FREM3: variants seen among roughly 807,000 people sequenced by gnomAD.
FREM3 encodes FRAS1 related extracellular matrix 3, also known as FRAS1-related extracellular matrix protein 3.
FREM3 carries 105 observed loss-of-function variants against 129.1 expected under a neutral mutation model. The ratio of observed to expected loss-of-function variants is 0.81; its 90% CI spans 0.69 to 0.96. The LOEUF (loss-of-function observed/expected upper bound fraction) is 0.96, where lower values mean the gene tolerates loss of function less well. FREM3 is among the 40% of genes least tolerant of loss of function. The pLI, the probability that FREM3 is intolerant of heterozygous loss-of-function variation, is 0.00. For synonymous variants in FREM3, 1,014 were observed against 1,044.9 expected (o/e 0.97, Z 0.57); for missense variants, 2,593 against 2,666.3 (o/e 0.97, Z 0.61).
intron 5 of FREM3, among the ~76,000 whole-genome samples, chr4:143,618,856 A>G (rs1244750564): frequency 2.0e-5 from 3 of 152,274 alleles, no homozygotes; most frequent in Admixed American, 2.0e-4. Flanking sequence ...TGATGGAGTC[A>G]CTGCACTCCA....
chr4:143,623,755 A>G (rs1022507953), intron 4 of FREM3, among the ~76,000 whole-genome samples: 7 of 152,252 alleles, frequency 4.6e-5, no homozygotes, highest in African/African-American at 1.7e-4. Context: ...CTAAGTCCCC[A>G]TTTGATCTGA....
At chr4:143,608,501 A>G (rs912816720) in intron 6 of FREM3, among the ~76,000 whole-genome samples, 3 of 152,156 alleles carry the variant, frequency 2.0e-5, no homozygotes, top group African/African-American at 7.2e-5. Flanking sequence ...GTTTGAGCCT[A>G]TTCTAATTGT....
chr4:143,628,982 C>T (rs1270797392), intron 2 of FREM3, among the ~76,000 whole-genome samples: 1 of 152,038 alleles, frequency 6.6e-6, no homozygotes, highest in Non-Finnish European at 1.5e-5. Context: ...TCCAGTAGGG[C>T]CAGTTAAGGA....
intron 2 of FREM3, among the ~76,000 whole-genome samples, chr4:143,681,107 A>C (rs2149859223): frequency 6.6e-6 from 1 of 152,266 alleles, no homozygotes; most frequent in East Asian, 1.9e-4. Flanking sequence ...TCTATAGTAC[A>C]TCACAAAATT....
At chr4:143,686,094 A>C (rs1740359057) in intron 2 of FREM3, among the ~76,000 whole-genome samples, 1 of 152,154 alleles carries the variant, frequency 6.6e-6, no homozygotes, top group Admixed American at 6.5e-5. Context: ...CTAGCACATA[A>C]AGACTCACAT....
Position 143,699,853 on chromosome 4 carries a change from C to T in FREM3, c.823G>A (p.Glu275Lys), listed in dbSNP as rs143380055. 51 of 1,536,648 alleles carry T rather than the reference C, an allele frequency of 3.3e-5. No homozygotes were observed. In the Admixed American group the frequency reaches 8.8e-4, roughly 27 times the overall value. ...CCCGCGGACCCAGCGTCTTGGCCCT[C>T]AGGCCCCAGCAGCTCCACCATCATG... ...VPMMVELLGP[E>K]GQDAGSAGVL... Residue 275 changes from glutamate to lysine, a missense_variant, in exon 1 of 8, where the codon GAG (glutamate) becomes AAG (lysine). By Grantham distance (56) the Glu-to-Lys change is moderately conservative. Coordinates refer to ENST00000329798, the MANE Select transcript of FREM3 (RefSeq NM_001168235.2). The surrounding 1 kb of genome is among the most constrained non-coding windows in gnomAD (Gnocchi z 4.2).
intron 3 of FREM3, among the ~76,000 whole-genome samples, chr4:143,625,565 C>T (rs1739024304): frequency 6.6e-6 from 1 of 152,104 alleles, no homozygotes; most frequent in African/African-American, 2.4e-5. Context: ...TTAGGAAGAG[C>T]CTCCTTTGGC....
intron 6 of FREM3, among the ~76,000 whole-genome samples, chr4:143,607,222 G>T (rs1738682551): frequency 6.6e-6 from 1 of 152,112 alleles, no homozygotes; most frequent in Non-Finnish European, 1.5e-5. Flanking sequence ...TGTCATTCCT[G>T]CACAGTCTTG....
chr4:143,677,334 A>T, intron 2 of FREM3, among the ~76,000 whole-genome samples: 1 of 152,254 alleles, frequency 6.6e-6, no homozygotes. Context: ...AAAACTGGCT[A>T]GCCATATGTA....
intron 2 of FREM3, among the ~76,000 whole-genome samples, chr4:143,661,043 G>C (rs1739707573): frequency 6.6e-6 from 1 of 152,194 alleles, no homozygotes; most frequent in Non-Finnish European, 1.5e-5. Flanking sequence ...GGGACAATTT[G>C]ACTTCCTCTT....
At position 143,698,672 on chromosome 4, in the gene FREM3, T is replaced by C; in HGVS notation, c.2004A>G (p.Val668=). The C allele has an allele frequency of 6.5e-7, 1 of 1,537,686 alleles. No individual in the cohort carries two copies. The change falls in exon 1 of 8, where the codon GTA becomes GTG. Residue 668 remains valine, a synonymous_variant. Transcript: ENST00000329798. Reference sequence around the variant, plus strand: ...GCACATGGAAAGCCAGCTGGACCATTACAGATTGAGGGCTGTGTGGTCCAA... The same window carrying C: ...GCACATGGAAAGCCAGCTGGACCATCACAGATTGAGGGCTGTGTGGTCCAA... ...RHLGPHSPQS[V]MVQLAFHVQD... is the part of the protein sequence containing the mutation.
intron 5 of FREM3, among the ~76,000 whole-genome samples, chr4:143,617,208 C>T (rs1456302755): frequency 6.6e-6 from 1 of 152,010 alleles, no homozygotes; most frequent in African/African-American, 2.4e-5. Flanking sequence ...CATTATAGAG[C>T]AAGAGTTTTC....
At chr4:143,598,850 A>G (rs1208862567) in intron 6 of FREM3, among the ~76,000 whole-genome samples, 1 of 152,202 alleles carries the variant, frequency 6.6e-6, no homozygotes, top group Admixed American at 6.5e-5. Context: ...TAGGAGTAAT[A>G]GGTTATACCA....
chr4:143,577,407 T>C lies in FREM3; in HGVS notation c.*204A>G, dbSNP rs1738057477. 3 of 548,898 alleles carry C rather than the reference T, an allele frequency of 5.5e-6. No homozygotes were observed. In the African/African-American group the frequency reaches 5.6e-5, roughly 10 times the overall value. The allele number at this position is 548,898 out of a possible 1,614,324, so 34.0% of individuals were successfully genotyped here. The stretch of plus-strand genomic sequence containing the variant: ...AAAGAACATGAACACAGTCTAATTA[T>C]TTGTGGGCTCAATGTTTTCTAGGTA... On this transcript the variant is annotated 3_prime_UTR_variant, in exon 8 of 8. Transcript: ENST00000329798.
At chr4:143,587,743 G>T (rs1397057550) in intron 6 of FREM3, among the ~76,000 whole-genome samples, 1 of 38,880 alleles carries the variant, frequency 2.6e-5, no homozygotes, top group Non-Finnish European at 5.0e-5. Context: ...TTTATCATGG[G>T]CACTTCTGCA....
chr4:143,699,861 A>C lies in FREM3; in HGVS notation c.815T>G (p.Leu272Arg), dbSNP rs939225883. The change falls in exon 1 of 8, where the codon CTG becomes CGG. Residue 272 changes from leucine (L) to arginine (R), a missense_variant. Leu to Arg is a moderately radical substitution (Grantham distance 102). Coordinates refer to ENST00000329798, the MANE Select transcript of FREM3 (RefSeq NM_001168235.2). This position sits in a 1 kb window ranked among gnomAD's most constrained non-coding sequence, Gnocchi z 4.2. ...CCCAGCGTCTTGGCCCTCAGGCCCC[A>C]GCAGCTCCACCATCATGGGCACGTA... Reference protein sequence around the residue: ...RDYVPMMVELLGPEGQDAGSA... With the variant: ...RDYVPMMVELRGPEGQDAGSA... 6.5e-7 allele frequency: 1 copy of C among 1,536,652 alleles called. No homozygotes were observed. Among genetic ancestry groups the C allele is most frequent in the Non-Finnish European group, 8.7e-7 (1 of 1,146,876 alleles).
chr4:143,622,530 G>C (rs1266011798), intron 4 of FREM3, among the ~76,000 whole-genome samples: 1 of 150,308 alleles, frequency 6.7e-6, no homozygotes, highest in Non-Finnish European at 1.5e-5. Flanking sequence ...ATTAGCTTCA[G>C]CAGATATAAG....
chr4:143,676,556 A>C (rs948897957), intron 2 of FREM3, among the ~76,000 whole-genome samples: 49 of 152,310 alleles, frequency 3.2e-4, no homozygotes, highest in African/African-American at 1.2e-3. Flanking sequence ...ATCAGGCAGG[A>C]GAATGAAATA....
chr4:143,662,644 C>A (rs980016706), intron 2 of FREM3, among the ~76,000 whole-genome samples: 2 of 151,996 alleles, frequency 1.3e-5, no homozygotes, highest in East Asian at 3.9e-4. Context: ...TCCTTGTTAA[C>A]TTTCTTTCTC....
Sources: allele counts gnomAD v4.1 joint callset (sites outside exome capture counted in the v4.1 genomes callset), GRCh38; gene constraint gnomAD v4.1.1; non-coding constraint Gnocchi (gnomAD v3.1); transcripts MANE v1.5; gene names NCBI Gene and HGNC (gene_info 2026-07-23, HGNC 2026-07-21).